The following XPR1 variants were observed in gnomAD, a reference collection of about 807,000 sequenced individuals.
The protein encoded by XPR1 is xenotropic and polytropic retrovirus receptor 1, also known as solute carrier family 53 member 1.
Under a neutral mutation model 87.5 loss-of-function variants are expected in XPR1, and 28 were observed. The ratio of observed to expected loss-of-function variants is 0.32; its 90% CI spans 0.24 to 0.44. XPR1 has a LOEUF of 0.44. XPR1 is among the 20% of genes least tolerant of loss of function. The pLI, the probability that XPR1 is intolerant of heterozygous loss-of-function variation, is 1.00. For missense variants in XPR1, 559 were observed against 862.3 expected (o/e 0.65, Z 4.41); for synonymous variants, 300 against 306.1 (o/e 0.98, Z 0.21).
chr1:180,825,021 A>T, intron 8 of XPR1, 78 bp downstream of exon 8: 1 of 1,518,200 alleles, frequency 6.6e-7, no homozygotes, highest in Non-Finnish European at 8.9e-7. Flanking sequence ...TGGGTACTTA[A>T]ATCCATCCTC....
At chr1:180,662,325 A>T (rs2101920322) in intron 1 of XPR1, among the ~76,000 whole-genome samples, 1 of 152,282 alleles carries the variant, frequency 6.6e-6, no homozygotes, top group East Asian at 1.9e-4. Flanking sequence ...TTCCAGATGA[A>T]ATAATCAGCT....
At chr1:180,643,574 G>A (rs553077508) in intron 1 of XPR1, among the ~76,000 whole-genome samples, 1 of 152,284 alleles carries the variant, frequency 6.6e-6, no homozygotes, top group Admixed American at 6.5e-5. Flanking sequence ...ATTATCTCAT[G>A]TGATCCTTAC....
At chr1:180,687,628 T>C (rs1254135259) in intron 2 of XPR1, among the ~76,000 whole-genome samples, 1 of 151,368 alleles carries the variant, frequency 6.6e-6, no homozygotes, top group Non-Finnish European at 1.5e-5. Context: ...TTATGTTTAC[T>C]TTAATTTGCT....
chr1:180,781,315 A>G lies in XPR1; in HGVS notation c.122-6438A>G, dbSNP rs531594966. ...CGTCTATACAGATTTAAAAAAAGAC[A>G]TAATCCCCATCCTCCATGTCTCACA... On this transcript the variant is annotated intron_variant, in intron 2 of 14. Coordinates refer to ENST00000367590, the MANE Select transcript of XPR1 (RefSeq NM_004736.4). Among the ~76,000 whole-genome samples the G allele has an allele frequency of 2.0e-5, 3 of 152,186 alleles. No individual in the cohort carries two copies. The East Asian group carries it at 5.8e-4, about 29-fold the overall frequency.
intron 7 of XPR1, among the ~76,000 whole-genome samples, chr1:180,820,414 A>G (rs1489473539): frequency 6.6e-6 from 1 of 152,154 alleles, no homozygotes; most frequent in African/African-American, 2.4e-5. Context: ...AGTTGGCGTA[A>G]TGTTTTCAAG....
chr1:180,805,998 ATTCTTT>A, intron 4 of XPR1, 58 bp from the exon 5 acceptor site: 1 of 1,558,594 alleles, frequency 6.4e-7, no homozygotes, highest in South Asian at 1.2e-5. Flanking sequence ...CTTAGTGCTT[ATTCTTT>A]TTCATCATTT....
chr1:180,719,831 A>T (rs1658119801), intron 2 of XPR1, among the ~76,000 whole-genome samples: 1 of 152,206 alleles, frequency 6.6e-6, no homozygotes, highest in Admixed American at 6.5e-5. Flanking sequence ...CTGTTCAGTC[A>T]TTTCATCTCA....
At chr1:180,853,330 CTAT>C (rs1651927301) in intron 11 of XPR1, among the ~76,000 whole-genome samples, 1 of 152,110 alleles carries the variant, frequency 6.6e-6, no homozygotes, top group African/African-American at 2.4e-5. Flanking sequence ...TCTGTCCCTT[CTAT>C]TATTCTGTTA....
intron 7 of XPR1, among the ~76,000 whole-genome samples, chr1:180,816,828 CTATT>C (rs1365284481): frequency 6.6e-6 from 1 of 152,170 alleles, no homozygotes; most frequent in Non-Finnish European, 1.5e-5. Flanking sequence ...ATATGCTATA[CTATT>C]TATTATTTTA....
intron 11 of XPR1, among the ~76,000 whole-genome samples, chr1:180,863,073 G>T (rs1652272944): frequency 6.6e-6 from 1 of 151,978 alleles, no homozygotes; most frequent in South Asian, 2.1e-4. Flanking sequence ...AGCAAATTAG[G>T]CCTTTGTATC....
chr1:180,777,210 G>C (rs1481428319), intron 2 of XPR1, among the ~76,000 whole-genome samples: 1 of 152,042 alleles, frequency 6.6e-6, no homozygotes, highest in Non-Finnish European at 1.5e-5. Context: ...TCACTTCTCT[G>C]TCTCCAGTGC....
At chr1:180,727,310 G>C (rs541781974) in intron 2 of XPR1, among the ~76,000 whole-genome samples, 1 of 152,110 alleles carries the variant, frequency 6.6e-6, no homozygotes, top group African/African-American at 2.4e-5. Flanking sequence ...TGGATCTTGC[G>C]CAAGAAAGAA....
intron 2 of XPR1, among the ~76,000 whole-genome samples, chr1:180,703,423 G>A (rs1657430409): frequency 1.3e-5 from 2 of 152,134 alleles, no homozygotes. Context: ...AGCATCAGTT[G>A]GGTGGGTATT....
At chr1:180,739,579 T>G (rs1658851485) in intron 2 of XPR1, among the ~76,000 whole-genome samples, 1 of 152,188 alleles carries the variant, frequency 6.6e-6, no homozygotes, top group South Asian at 2.1e-4. Flanking sequence ...GTGTCTCCAT[T>G]TAGGTCTTCT....
chr1:180,704,148 A>G (rs60290602), intron 2 of XPR1, among the ~76,000 whole-genome samples: 6,454 of 148,408 alleles, frequency 0.043, 499 homozygotes, highest in African/African-American at 0.15. Flanking sequence ...TGTTCTCTTT[A>G]TTTACAGTAA....
intron 13 of XPR1, among the ~76,000 whole-genome samples, chr1:180,877,430 A>G (rs1051278685): frequency 6.6e-6 from 1 of 152,200 alleles, no homozygotes; most frequent in Non-Finnish European, 1.5e-5. Flanking sequence ...TAACAGTGGA[A>G]AAAGAGGGCC....
At chr1:180,739,370 T>C (rs1321709619) in intron 2 of XPR1, among the ~76,000 whole-genome samples, 1 of 152,260 alleles carries the variant, frequency 6.6e-6, no homozygotes, top group African/African-American at 2.4e-5. Context: ...GTCTTTCTAT[T>C]GGCTTTTGCC....
At chr1:180,822,886 A>C (rs1184224953) in intron 7 of XPR1, among the ~76,000 whole-genome samples, 1 of 152,212 alleles carries the variant, frequency 6.6e-6, no homozygotes, top group Non-Finnish European at 1.5e-5. Context: ...AAAATTATTA[A>C]ATCTTCTATA....
At position 180,853,789 on chromosome 1, in the gene XPR1, T is replaced by TC. The variant is rs1558039495; in HGVS notation, c.1502-9919_1502-9918insC. ...TGGCACAAATAATAGTGCATTCATG[T>TC]GGTTTTTTTTTTTTTTTTTTTGTAT... is the stretch of plus-strand genomic sequence containing the variant. On this transcript the variant is annotated intron_variant, in intron 11 of 14. Coordinates refer to ENST00000367590, the MANE Select transcript of XPR1 (RefSeq NM_004736.4). Among the ~76,000 whole-genome samples, 29 of 103,404 alleles carry TC rather than the reference T, an allele frequency of 2.8e-4. 1 individual carries two copies. The highest frequency in any genetic ancestry group is 6.4e-5 in the Non-Finnish European group (3 of 46,834). 67.8% of individuals were successfully genotyped at this position (103,404 alleles called of 152,430 possible). A position where few individuals can be genotyped will look rare whatever the true frequency, so the allele number is the denominator to read the frequency against.
Sources: gnomAD v4.1 joint callset for allele counts (sites outside exome capture counted in the v4.1 genomes callset) on GRCh38, gnomAD v4.1.1 for gene constraint, MANE v1.5 for transcripts, NCBI Gene and HGNC (gene_info 2026-07-23, HGNC 2026-07-21) for gene names.